Variants in MAP2K4 observed in about 807,000 individuals in gnomAD.
MAP2K4 encodes the protein mitogen-activated protein kinase kinase 4, also known as dual specificity mitogen-activated protein kinase kinase 4.
MAP2K4 carries 4 observed loss-of-function variants against 48.5 expected under a neutral mutation model. That is an observed-to-expected ratio of 0.08 (90% CI 0.04 to 0.19). MAP2K4 has a LOEUF of 0.19. Ranked by LOEUF, MAP2K4 falls within the 10% of genes least tolerant of loss-of-function variation. The probability of loss-of-function intolerance (pLI) is 1.00; values close to 1 mark genes in which losing one functional copy is unlikely to be tolerated. For missense variants in MAP2K4, 258 were observed against 493.3 expected, an observed-to-expected ratio of 0.52 and a Z score of 4.52; for synonymous variants, 166 against 173.1, an observed-to-expected ratio of 0.96 and a Z score of 0.32.
chr17:12,055,658 A>G (rs983718969), intron 2 of MAP2K4, among the ~76,000 whole-genome samples: 2 of 152,026 alleles, frequency 1.3e-5, no homozygotes, highest in Admixed American at 6.6e-5. Flanking sequence ...ATTTGCATCT[A>G]GATCTTATTA....
At chr17:12,080,751 C>G (rs1458932792) in intron 2 of MAP2K4, among the ~76,000 whole-genome samples, 1 of 152,158 alleles carries the variant, frequency 6.6e-6, no homozygotes. Flanking sequence ...CCAAACATTA[C>G]TGGAATCATC....
intron 2 of MAP2K4, among the ~76,000 whole-genome samples, chr17:12,079,865 G>C (rs1283449537): frequency 4.6e-5 from 7 of 152,146 alleles, no homozygotes; most frequent in Admixed American, 6.5e-5. Context: ...TAAAAGATCA[G>C]TTCCAGCTTC....
intron 8 of MAP2K4, among the ~76,000 whole-genome samples, chr17:12,126,298 G>A (rs956578536): frequency 1.3e-5 from 2 of 152,194 alleles, no homozygotes; most frequent in African/African-American, 2.4e-5. Flanking sequence ...ACAAGCAAGC[G>A]CAATTATATA....
At chr17:12,115,034 G>C (rs935727272) in intron 7 of MAP2K4, among the ~76,000 whole-genome samples, 3 of 152,104 alleles carry the variant, frequency 2.0e-5, no homozygotes, top group Non-Finnish European at 4.4e-5. Flanking sequence ...AATTTTAAAA[G>C]GCTTCAAGTG....
Position 12,020,902 on chromosome 17 carries a change from C to T in MAP2K4, c.16C>T (p.Pro6Ser), listed in dbSNP as rs979899636. Residue 6 changes from proline to serine, a missense_variant, in exon 1 of 11, where the codon CCG (proline) becomes TCG (serine). Around this residue, in one of 3 missense-constraint regions of MAP2K4, gnomAD observed 69 missense variants for 56.2 expected, o/e 1.23. Transcript: ENST00000353533. Reference sequence around the variant, plus strand: ...ACTCCCAACAATGGCGGCTCCGAGCCCGAGCGGCGGCGGCGGCTCCGGGGG... The same window carrying T: ...ACTCCCAACAATGGCGGCTCCGAGCTCGAGCGGCGGCGGCGGCTCCGGGGG... MAAPS[P>S]SGGGGSGGGS... 2 of 1,216,420 alleles carry T rather than the reference C, an allele frequency of 1.6e-6. No individual in the cohort carries two copies. Among genetic ancestry groups the T allele is most frequent in the Non-Finnish European group, 2.0e-6 (2 of 977,894 alleles). The allele number at this position is 1,216,420 out of a possible 1,614,324, so 75.4% of individuals were successfully genotyped here. A position where few individuals can be genotyped will look rare whatever the true frequency, so the allele number is the denominator to read the frequency against.
chr17:12,104,327 T>C (rs1474793051), intron 4 of MAP2K4, among the ~76,000 whole-genome samples: 1 of 152,126 alleles, frequency 6.6e-6, no homozygotes, highest in East Asian at 1.9e-4. Context: ...TGCCTTTCTA[T>C]ACTTTAAAGA....
At chr17:12,107,953 A>T (rs780903189) in intron 5 of MAP2K4, 44 bp downstream of exon 5, 4 of 1,467,066 alleles carry the variant, frequency 2.7e-6, no homozygotes, top group Non-Finnish European at 3.6e-6. Context: ...ATATAGTTAT[A>T]TAGAGATGCT....
At chr17:12,085,597 T>C (rs775223702) in intron 3 of MAP2K4, among the ~76,000 whole-genome samples, 1 of 152,062 alleles carries the variant, frequency 6.6e-6, no homozygotes, top group Non-Finnish European at 1.5e-5. Context: ...TACTGTTTCA[T>C]TGATGTGAGT....
intron 5 of MAP2K4, among the ~76,000 whole-genome samples, chr17:12,109,908 G>A (rs547249824): frequency 3.2e-4 from 49 of 152,042 alleles, no homozygotes; most frequent in African/African-American, 1.1e-3. Flanking sequence ...CAGAAGGATC[G>A]CTTGAGCCCA....
intron 2 of MAP2K4, among the ~76,000 whole-genome samples, chr17:12,059,253 T>G (rs1970376910): frequency 6.6e-6 from 1 of 152,228 alleles, no homozygotes; most frequent in Non-Finnish European, 1.5e-5. Flanking sequence ...TGGCTACCTT[T>G]TAAATTTTCA....
At chr17:12,055,361 A>T (rs1469401141) in intron 2 of MAP2K4, among the ~76,000 whole-genome samples, 1 of 152,126 alleles carries the variant, frequency 6.6e-6, no homozygotes, top group Non-Finnish European at 1.5e-5. Context: ...ATATTGTAGC[A>T]TCTTAGTGAA....
At chr17:12,058,480 A>G (rs914495002) in intron 2 of MAP2K4, among the ~76,000 whole-genome samples, 1 of 152,164 alleles carries the variant, frequency 6.6e-6, no homozygotes, top group Admixed American at 6.5e-5. Flanking sequence ...TGTCCCTCAT[A>G]TTCACTGCAT....
chr17:12,072,530 T>A (rs1970850780), intron 2 of MAP2K4, among the ~76,000 whole-genome samples: 1 of 152,222 alleles, frequency 6.6e-6, no homozygotes, highest in Non-Finnish European at 1.5e-5. Context: ...ACAAATTCCC[T>A]TGAATCCAAC....
intron 2 of MAP2K4, among the ~76,000 whole-genome samples, chr17:12,080,929 A>C (rs555706184): frequency 6.6e-6 from 1 of 152,340 alleles, no homozygotes; most frequent in East Asian, 1.9e-4. Context: ...GAGGCACTGG[A>C]ATAACTAATG....
At chr17:12,057,584 G>A (rs986112371) in intron 2 of MAP2K4, among the ~76,000 whole-genome samples, 12 of 152,018 alleles carry the variant, frequency 7.9e-5, no homozygotes, top group African/African-American at 2.7e-4. Context: ...CTTTTTCTGG[G>A]AAAATTGCTG....
chr17:12,140,074 T>C (rs1973328074), intron 10 of MAP2K4, among the ~76,000 whole-genome samples, 190 bp downstream of exon 10: 1 of 152,194 alleles, frequency 6.6e-6, no homozygotes, highest in Non-Finnish European at 1.5e-5. Flanking sequence ...TTTCTACTAA[T>C]ACTAGCTAAA....
intron 1 of MAP2K4, among the ~76,000 whole-genome samples, chr17:12,052,486 G>A (rs768865087): frequency 3.9e-5 from 6 of 152,128 alleles, no homozygotes; most frequent in African/African-American, 7.2e-5. Context: ...TTTAACTGTT[G>A]TAATATATTT....
At chr17:12,105,576 T>A (rs751709063) in intron 4 of MAP2K4, among the ~76,000 whole-genome samples, 6 of 152,148 alleles carry the variant, frequency 3.9e-5, no homozygotes, top group Non-Finnish European at 7.4e-5. Context: ...TTTATTCACT[T>A]CTTCTGCATT....
intron 7 of MAP2K4, 37 bp from the exon 8 acceptor site, chr17:12,125,257 A>C: frequency 6.6e-7 from 1 of 1,519,240 alleles, no homozygotes. Context: ...CTTGAGTGTA[A>C]GGCAATTAAT....
Sources: gnomAD v4.1 joint callset for allele counts (sites outside exome capture counted in the v4.1 genomes callset) on GRCh38, gnomAD v4.1.1 for gene constraint, gnomAD v4.1.1 regional missense constraint, MANE v1.5 for transcripts, NCBI Gene and HGNC (gene_info 2026-07-23, HGNC 2026-07-21) for gene names.